The following RAB34 variants were observed in gnomAD, a reference collection of about 807,000 sequenced individuals.
RAB34 encodes RAB34, member RAS oncogene family.
RAB34 carries 33 observed loss-of-function variants against 39.0 expected under a neutral mutation model. The ratio of observed to expected loss-of-function variants is 0.85; its 90% CI spans 0.64 to 1.13. The LOEUF (loss-of-function observed/expected upper bound fraction) is 1.13. RAB34 is among the 50% of genes most tolerant of loss of function. The pLI is 0.00. For missense variants in RAB34, 289 were observed against 326.1 expected (o/e 0.89, Z 0.88); for synonymous variants, 135 against 125.1 (o/e 1.08, Z -0.53).
At position 28,715,814 on chromosome 17, in the gene RAB34, G is replaced by T; in HGVS notation, c.300C>A (p.Pro100=). The T allele has an allele frequency of 6.2e-7, 1 of 1,613,972 alleles. No individual in the cohort carries two copies. Among genetic ancestry groups the T allele is most frequent in the South Asian group, 1.1e-5 (1 of 91,074 alleles). ...EMERFEVLGI[P]FSLQLWDTAG... is the part of the protein sequence containing the mutation. ...GAAGCACTCACAGCTGCAAACTGAA[G>T]GGAATGCCCAGCACCTCAAATCGTT... Residue 100 remains proline (P), a synonymous_variant, in exon 4 of 10, where the codon CCC becomes CCA. Coordinates refer to ENST00000395245, the MANE Select transcript of RAB34 (RefSeq NM_031934.6).
intron 2 of RAB34, chr17:28,716,261 G>A: frequency 1.6e-6 from 1 of 638,226 alleles, no homozygotes; most frequent in East Asian, 2.8e-5. Flanking sequence ...ACATGAATTT[G>A]AATCCCAGCT....
intron 9 of RAB34, 32 bp from the exon 10 acceptor site, chr17:28,714,742 G>A (rs757366403): frequency 1.5e-5 from 24 of 1,613,970 alleles, no homozygotes; most frequent in Non-Finnish European, 5.1e-6. Flanking sequence ...GTGAAGCAGG[G>A]ATTGGAGGCT....
At position 28,717,225 on chromosome 17, in the gene RAB34, C is replaced by G; in HGVS notation, c.42G>C (p.Ala14=). 3 of 1,604,894 alleles carry G rather than the reference C, an allele frequency of 1.9e-6. No individual in the cohort carries two copies. Among genetic ancestry groups the G allele is most frequent in the Non-Finnish European group, 2.5e-6 (3 of 1,178,248 alleles). The change falls in exon 1 of 10, where the codon GCG becomes GCC. Residue 14 remains alanine (A), a synonymous_variant. Transcript: ENST00000395245. ...LAPVRRDRVL[A]ELPQCLRKEA... The stretch of plus-strand genomic sequence containing the variant: ...CCCCGGCGCCTACCTGGGGCAGCTC[C>G]GCCAGGACGCGATCCCTCCGCACGG...
chr17:28,714,384 A>T lies in RAB34; in HGVS notation c.*259T>A. The T allele has an allele frequency of 3.2e-6, 2 of 633,510 alleles. No homozygotes were observed. Among genetic ancestry groups the T allele is most frequent in the Admixed American group, 5.5e-5 (2 of 36,350 alleles). 39.2% of individuals were successfully genotyped at this position (633,510 alleles called of 1,614,324 possible). A position where few individuals can be genotyped will look rare whatever the true frequency, so the allele number is the denominator to read the frequency against. ...GGCCCAGCAGGCTGAGCAAAAGAAC[A>T]GAGACACTCTCCCTCACTACCACTG... On this transcript the variant is annotated 3_prime_UTR_variant, in exon 10 of 10. Transcript: ENST00000395245.
intron 6 of RAB34, 61 bp downstream of exon 6, chr17:28,715,395 C>G: frequency 2.5e-6 from 4 of 1,606,176 alleles, no homozygotes; most frequent in South Asian, 2.2e-5. Flanking sequence ...TCCTGACCAC[C>G]CCTCTGTTCT....
chr17:28,717,012 A>C lies in RAB34; in HGVS notation c.55-18T>G, dbSNP rs376936184. On this transcript the variant is annotated intron_variant, in intron 1 of 9. Coordinates refer to ENST00000395245, the MANE Select transcript of RAB34 (RefSeq NM_031934.6). ...CTCAGGCACTTAGTGGGAAGGATGG[A>C]AGAGAATGGAGCTTCCTACTCCTGG... The C allele has an allele frequency of 5.0e-6, 8 of 1,612,218 alleles. No individual in the cohort carries two copies. The highest frequency in any genetic ancestry group is 6.8e-6 in the Non-Finnish European group (8 of 1,179,262).
Position 28,715,196 on chromosome 17 carries a change from C to T in RAB34, c.512G>A (p.Ser171Asn), listed in dbSNP as rs529926528. 4 of 1,614,126 alleles carry T rather than the reference C, an allele frequency of 2.5e-6. No homozygotes were observed. Among genetic ancestry groups the T allele is most frequent in the East Asian group, 2.2e-5 (1 of 44,888 alleles). The change falls in exon 7 of 10, where the codon AGT (serine) becomes AAT (asparagine). Residue 171 changes from serine to asparagine, a missense_variant and splice_region_variant. By Grantham distance (46) the Ser-to-Asn change is conservative. Transcript: ENST00000395245. ...AAGTCCCCCCACTGGCACACTCACA[C>T]TCAGATCCTTCTTGGAACCTACAAG... Reference protein sequence around the residue: ...LFLVGSKKDLSTPAQYALMEK... With the variant: ...LFLVGSKKDLNTPAQYALMEK...
chr17:28,715,218 C>G lies in RAB34; in HGVS notation c.490G>C (p.Val164Leu). Residue 164 changes from valine (V) to leucine (L), a missense_variant, in exon 7 of 10, where the codon GTA becomes CTA. Physicochemically the swap from Val to Leu is conservative, Grantham distance 32 (BLOSUM62 1). Coordinates refer to ENST00000395245, the MANE Select transcript of RAB34 (RefSeq NM_031934.6). ...ACACTCAGATCCTTCTTGGAACCTA[C>G]AAGGAAGAGAAGCACACTGGAAGGG... ...NDPSSVLLFLVGSKKDLSTPA... is the reference protein window; with the variant it reads ...NDPSSVLLFLLGSKKDLSTPA... 6.2e-7 allele frequency: 1 copy of G among 1,614,078 alleles called. No homozygotes were observed. The highest frequency in any genetic ancestry group is 1.7e-5 in the Admixed American group (1 of 60,026).
chr17:28,718,186 C>G, upstream of RAB34: 6 of 1,607,366 alleles, frequency 3.7e-6, no homozygotes, highest in Non-Finnish European at 5.1e-6. Flanking sequence ...CAGGAACCAG[C>G]AGGGAGGGGA....
upstream of RAB34, chr17:28,717,874 G>T: frequency 7.4e-7 from 1 of 1,358,568 alleles, no homozygotes; most frequent in South Asian, 1.9e-5. Flanking sequence ...GCTGTAACAC[G>T]ATCCCCGGAA....
In RAB34 at chr17:28,717,224, C is replaced by T. The variant is rs780822468; in HGVS notation, c.43G>A (p.Glu15Lys). ...GCCCCGGCGCCTACCTGGGGCAGCT[C>T]CGCCAGGACGCGATCCCTCCGCACG... Reference protein sequence around the residue: ...APVRRDRVLAELPQCLRKEAA... With the variant: ...APVRRDRVLAKLPQCLRKEAA... Residue 15 changes from glutamate (E) to lysine (K), a missense_variant, in exon 1 of 10, where the codon GAG becomes AAG. Glu to Lys is a moderately conservative substitution (Grantham distance 56). Coordinates refer to ENST00000395245, the MANE Select transcript of RAB34 (RefSeq NM_031934.6). 11 of 1,604,876 alleles carry T rather than the reference C, an allele frequency of 6.9e-6. No individual in the cohort carries two copies. The highest frequency in any genetic ancestry group is 9.3e-6 in the Non-Finnish European group (11 of 1,178,266).
Position 28,715,225 on chromosome 17 carries a change from G to A in RAB34, c.483C>T (p.Leu161=), listed in dbSNP as rs1232503741. ...GATCCTTCTTGGAACCTACAAGGAA[G>A]AGAAGCACACTGGAAGGGTCATTCT... ...LKENDPSSVL[L]FLVGSKKDLS... The change falls in exon 7 of 10, where the codon CTC becomes CTT. Residue 161 remains leucine (L), a synonymous_variant. Transcript: ENST00000395245. 6.2e-7 allele frequency: 1 copy of A among 1,613,900 alleles called. No homozygotes were observed. The highest frequency in any genetic ancestry group is 8.5e-7 in the Non-Finnish European group (1 of 1,180,046).
intron 5 of RAB34, 56 bp from the exon 6 acceptor site, chr17:28,715,563 T>C: frequency 1.2e-6 from 2 of 1,614,034 alleles, no homozygotes; most frequent in Non-Finnish European, 1.7e-6. Flanking sequence ...ACTGCTCATT[T>C]CCCCAATCCT....
upstream of RAB34, chr17:28,717,906 C>A: frequency 3.7e-6 from 5 of 1,356,500 alleles, no homozygotes; most frequent in South Asian, 9.4e-5. Context: ...AGGGCCGCCC[C>A]CCGCCCCTCT....
chr17:28,714,977 T>C, intron 8 of RAB34, 55 bp downstream of exon 8: 3 of 1,600,166 alleles, frequency 1.9e-6, no homozygotes, highest in Non-Finnish European at 2.6e-6. Flanking sequence ...GGTGTAGCAG[T>C]GAGAGGAGAG....
At chr17:28,715,355 C>T in intron 6 of RAB34, 79 bp from the exon 7 acceptor site, 1 of 1,578,204 alleles carries the variant, frequency 6.3e-7, no homozygotes, top group South Asian at 1.1e-5. Flanking sequence ...CCAATTACCC[C>T]CTCTCTGGTC....
rs1413269502 is a variant in RAB34, at chr17:28,716,909, G to A, written c.140C>T (p.Thr47Ile). 1 of 1,612,648 alleles carries A rather than the reference G, an allele frequency of 6.2e-7. No individual in the cohort carries two copies. Among genetic ancestry groups the A allele is most frequent in the East Asian group, 2.2e-5 (1 of 44,866 alleles). Residue 47 changes from threonine (T) to isoleucine (I), a missense_variant, in exon 2 of 10, where the codon ACC becomes ATC. Thr to Ile is a moderately conservative substitution (Grantham distance 89). Transcript: ENST00000395245. ...TCACQEHRTG[T>I]VGFKISKVIV... ...GTGGGTGTCCCTAACTCACCCCACG[G>A]TGCCTGTCCGGTGCTCCTGGCAGGC...
At chr17:28,717,993 C>T, upstream of RAB34, 10 of 1,254,462 alleles carry the variant, frequency 8.0e-6, no homozygotes, top group Non-Finnish European at 1.0e-5. Flanking sequence ...CGCTCAGGCT[C>T]CCTCTTTTGA....
At chr17:28,716,731 A>T in intron 2 of RAB34, 172 bp downstream of exon 2, 1 of 735,316 alleles carries the variant, frequency 1.4e-6, no homozygotes, top group Non-Finnish European at 2.1e-6. Context: ...CATAGAACTC[A>T]CAACAACCTT....
Sources: gnomAD v4.1 joint callset for allele counts on GRCh38, gnomAD v4.1.1 for gene constraint, MANE v1.5 for transcripts, NCBI Gene and HGNC (gene_info 2026-07-23, HGNC 2026-07-21) for gene names.